SHISA5: variants seen among roughly 807,000 people sequenced by gnomAD.
The protein encoded by SHISA5 is protein shisa-5.
Under a neutral mutation model 27.5 loss-of-function variants are expected in SHISA5, and 21 were observed. The observed-to-expected ratio is 0.76, with a 90% CI of 0.54 to 1.10. The LOEUF (loss-of-function observed/expected upper bound fraction) is 1.10. Ranked by LOEUF, SHISA5 falls within the 50% of genes least tolerant of loss-of-function variation. The pLI, the probability that SHISA5 is intolerant of heterozygous loss-of-function variation, is 0.00. For missense variants in SHISA5, 314 were observed against 336.3 expected, an observed-to-expected ratio of 0.93 and a Z score of 0.52; for synonymous variants, 137 against 142.2, an observed-to-expected ratio of 0.96 and a Z score of 0.26.
intron 2 of SHISA5, among the ~76,000 whole-genome samples, chr3:48,494,128 C>T (rs2041493045): frequency 1.4e-5 from 2 of 146,986 alleles, no homozygotes; most frequent in Non-Finnish European, 2.9e-5. Flanking sequence ...CCTGCCACCT[C>T]CTAGTCTCCG....
chr3:48,490,146 T>C (rs1246393522), intron 2 of SHISA5, among the ~76,000 whole-genome samples: 1 of 152,102 alleles, frequency 6.6e-6, no homozygotes, highest in East Asian at 1.9e-4. Context: ...CAATCTCGGT[T>C]CACTACAACC....
rs1187838875 is a variant in SHISA5 at position 48,468,148 on chromosome 3, C to CA, written c.*958dup. ...AGGCTGGTGTCGGGAAGCAGGGACT[C>CA]ACAGTTGCCAGGTTGTCCATCTCTG... On this transcript the variant is annotated 3_prime_UTR_variant, in exon 6 of 6. Coordinates refer to ENST00000296444, the MANE Select transcript of SHISA5 (RefSeq NM_016479.6). The CA allele has an allele frequency of 1.4e-5, 14 of 999,968 alleles. No homozygotes were observed. The highest frequency in any genetic ancestry group is 3.5e-5 in the African/African-American group (2 of 57,376). The allele number at this position is 999,968 out of a possible 1,614,324, so 61.9% of individuals were successfully genotyped here. A position where few individuals can be genotyped will look rare whatever the true frequency, so the allele number is the denominator to read the frequency against.
chr3:48,469,791 T>A lies in SHISA5; in HGVS notation c.367A>T (p.Thr123Ser). Residue 123 changes from threonine (T) to serine (S), a missense_variant, in exon 4 of 6, where the codon ACT becomes TCT. By Grantham distance (58) the Thr-to-Ser change is moderately conservative (BLOSUM62 1). Transcript: ENST00000296444. The surrounding 1 kb of genome is among the most constrained non-coding windows in gnomAD (Gnocchi z 4.6). ...GLTIFVLSVV[T>S]IIICFTCSCC... ...GAGCAGGTGAAGCAGATGATGATAG[T>A]GACGACAGACAGCACAAAGATGGTC... The A allele has an allele frequency of 5.0e-6, 8 of 1,614,052 alleles. No individual in the cohort carries two copies. The highest frequency in any genetic ancestry group is 6.8e-6 in the Non-Finnish European group (8 of 1,179,978).
chr3:48,503,976 C>T (rs1575338154), intron 1 of SHISA5, 43 bp downstream of exon 1: 1 of 1,450,410 alleles, frequency 6.9e-7, no homozygotes, highest in Non-Finnish European at 9.1e-7. Flanking sequence ...GAAGTGTCTG[C>T]CCGGTCCCAG....
intron 3 of SHISA5, chr3:48,477,045 TG>T: frequency 2.2e-6 from 1 of 451,022 alleles, no homozygotes; most frequent in Non-Finnish European, 4.4e-6. Flanking sequence ...TATGCCCCTC[TG>T]GGAGCTTGTT....
chr3:48,484,434 A>C (rs953982454), intron 2 of SHISA5, among the ~76,000 whole-genome samples: 1 of 151,922 alleles, frequency 6.6e-6, no homozygotes, highest in African/African-American at 2.4e-5. Context: ...TGTCTCTACT[A>C]AAAATACAAA....
At chr3:48,484,893 C>G (rs1327279718) in intron 2 of SHISA5, among the ~76,000 whole-genome samples, 3 of 151,868 alleles carry the variant, frequency 2.0e-5, no homozygotes, top group African/African-American at 7.3e-5. Flanking sequence ...AACTCCATCT[C>G]AAAAAAAGAA....
rs533658376 is a variant in SHISA5, at chr3:48,478,550, AC to A, written c.314+626del. Among the ~76,000 whole-genome samples, 58 of 152,198 alleles carry A rather than the reference AC, an allele frequency of 3.8e-4. No homozygotes were observed. The South Asian group carries it at 9.9e-3, about 26-fold the overall frequency. On this transcript the variant is annotated intron_variant, in intron 3 of 5. Transcript: ENST00000296444. ...CCCATTCCACCTCCAGGAAGATGTCACAACTCCTGTTACGGTGGCAATAACA... is the reference window on the plus strand; with the variant it reads ...CCCATTCCACCTCCAGGAAGATGTCAAACTCCTGTTACGGTGGCAATAACA...
At chr3:48,488,975 T>C (rs949384833) in intron 2 of SHISA5, among the ~76,000 whole-genome samples, 30 of 151,940 alleles carry the variant, frequency 2.0e-4, no homozygotes, top group Non-Finnish European at 8.8e-5. Flanking sequence ...GGTAAGGAGA[T>C]TAGAATGGGT....
chr3:48,503,305 T>G, intron 1 of SHISA5: 1 of 584,100 alleles, frequency 1.7e-6, no homozygotes. Context: ...ACTCCAGGAG[T>G]GGGCGGATTC....
intron 3 of SHISA5, among the ~76,000 whole-genome samples, chr3:48,475,789 A>G (rs2040805851): frequency 6.6e-6 from 1 of 152,182 alleles, no homozygotes; most frequent in Admixed American, 6.5e-5. Flanking sequence ...AGAGGACATG[A>G]CAGTAGGATC....
At chr3:48,501,718 G>C (rs1261944889) in intron 1 of SHISA5, among the ~76,000 whole-genome samples, 1 of 152,058 alleles carries the variant, frequency 6.6e-6, no homozygotes, top group Admixed American at 6.6e-5. Flanking sequence ...TCACATTCTT[G>C]CCTGGTTCCT....
At chr3:48,491,818 T>G (rs1468550789) in intron 2 of SHISA5, among the ~76,000 whole-genome samples, 1 of 151,910 alleles carries the variant, frequency 6.6e-6, no homozygotes, top group Admixed American at 6.6e-5. Flanking sequence ...TGGGGATTTT[T>G]TTAGTAGAGA....
At chr3:48,479,838 G>A (rs907800776) in intron 2 of SHISA5, among the ~76,000 whole-genome samples, 8 of 151,658 alleles carry the variant, frequency 5.3e-5, no homozygotes, top group African/African-American at 1.5e-4. Flanking sequence ...TGATCTGCCC[G>A]CCTTGGCCTC....
intron 2 of SHISA5, among the ~76,000 whole-genome samples, chr3:48,488,367 A>T (rs1277149105): frequency 1.3e-5 from 2 of 149,998 alleles, no homozygotes; most frequent in Non-Finnish European, 3.0e-5. Context: ...AGCTGGGACT[A>T]CAGGTGCCCA....
At chr3:48,480,674 G>T (rs543591623) in intron 2 of SHISA5, among the ~76,000 whole-genome samples, 1 of 151,994 alleles carries the variant, frequency 6.6e-6, no homozygotes, top group Non-Finnish European at 1.5e-5. Flanking sequence ...CAGGAGAATC[G>T]CTTGAACCCA....
At chr3:48,501,753 A>G (rs1420628470) in intron 1 of SHISA5, among the ~76,000 whole-genome samples, 1 of 151,396 alleles carries the variant, frequency 6.6e-6, no homozygotes, top group Non-Finnish European at 1.5e-5. Context: ...AACTCTACTC[A>G]TCCTTCAAGG....
chr3:48,476,882 C>A (rs535985983), intron 3 of SHISA5: 5 of 302,578 alleles, frequency 1.7e-5, no homozygotes, highest in East Asian at 1.0e-4. Context: ...ACGCCAAGCA[C>A]ACGGCACACG....
intron 2 of SHISA5, among the ~76,000 whole-genome samples, chr3:48,493,002 A>G (rs1488407830): frequency 1.4e-5 from 2 of 147,794 alleles, no homozygotes; most frequent in East Asian, 3.8e-4. Flanking sequence ...GTATTTCCTA[A>G]AAGCAGTCTG....
Sources: gnomAD v4.1 joint callset for allele counts (sites outside exome capture counted in the v4.1 genomes callset) on GRCh38, gnomAD v4.1.1 for gene constraint, Gnocchi (gnomAD v3.1) non-coding constraint, MANE v1.5 for transcripts, NCBI Gene and HGNC (gene_info 2026-07-23, HGNC 2026-07-21) for gene names.